HERC4: variants seen among roughly 807,000 people sequenced by gnomAD.
HERC4 encodes HECT and RLD domain containing E3 ubiquitin protein ligase 4, also known as probable E3 ubiquitin-protein ligase HERC4.
Under a neutral mutation model 124.3 loss-of-function variants are expected in HERC4, and 28 were observed. The observed-to-expected ratio is 0.23, with a 90% confidence interval of 0.17 to 0.31. HERC4 has a LOEUF of 0.31. Ranked by LOEUF, HERC4 falls within the 10% of genes least tolerant of loss-of-function variation. The pLI is 1.00. For synonymous variants in HERC4, 407 were observed against 421.5 expected, an observed-to-expected ratio of 0.97 and a Z score of 0.42; for missense variants, 713 against 1,229.3, an observed-to-expected ratio of 0.58 and a Z score of 6.28.
intron 3 of HERC4, among the ~76,000 whole-genome samples, chr10:68,066,364 T>TA (rs1230446628): frequency 6.6e-6 from 1 of 152,218 alleles, no homozygotes; most frequent in East Asian, 1.9e-4. Flanking sequence ...ATCTGCTAAG[T>TA]ACCCAAATTG....
chr10:68,027,482 G>A (rs879328362), intron 7 of HERC4, among the ~76,000 whole-genome samples: 4 of 152,188 alleles, frequency 2.6e-5, no homozygotes, highest in Admixed American at 1.3e-4. Flanking sequence ...ACCGACAAAA[G>A]TATATAACCA....
chr10:67,922,003 G>GTA lies in HERC4; in HGVS notation c.*926_*927dup, dbSNP rs1391899991. On this transcript the variant is annotated 3_prime_UTR_variant, in exon 25 of 25. Transcript: ENST00000373700. ...TTTGCATTATAGCAGAAAGTCACATGTATTGCATCAACTCACTTTTACAAT... is the reference window on the plus strand; with the variant it reads ...TTTGCATTATAGCAGAAAGTCACATGTATATTGCATCAACTCACTTTTACAAT... 2.6e-5 allele frequency: 4 copies of GTA among 152,112 alleles called. No individual in the cohort carries two copies. The highest frequency in any genetic ancestry group is 4.4e-5 in the Non-Finnish European group (3 of 68,006). 9.4% of individuals were successfully genotyped at this position (152,112 alleles called of 1,614,324 possible). A position where few individuals can be genotyped will look rare whatever the true frequency, so the allele number is the denominator to read the frequency against.
chr10:68,054,081 C>T (rs2040437678), intron 3 of HERC4, among the ~76,000 whole-genome samples: 1 of 152,144 alleles, frequency 6.6e-6, no homozygotes, highest in Non-Finnish European at 1.5e-5. Context: ...CAGATTTCCC[C>T]TTCTCTTCTC....
chr10:67,956,707 T>C (rs1357748362), intron 17 of HERC4, 171 bp downstream of exon 17: 6 of 396,586 alleles, frequency 1.5e-5, no homozygotes, highest in East Asian at 7.3e-5. Flanking sequence ...CAACCTTTTT[T>C]TATAAATGTT....
chr10:67,996,778 A>AT (rs1315883034), intron 9 of HERC4, among the ~76,000 whole-genome samples: 1 of 151,940 alleles, frequency 6.6e-6, no homozygotes, highest in Non-Finnish European at 1.5e-5. Context: ...AGGTCAGAAG[A>AT]TTGAGACATA....
chr10:67,924,492 A>G (rs1438787683), intron 24 of HERC4, among the ~76,000 whole-genome samples: 1 of 152,242 alleles, frequency 6.6e-6, no homozygotes, highest in Non-Finnish European at 1.5e-5. Flanking sequence ...TAACTGTAAC[A>G]TAACAGTAGG....
At chr10:67,968,250 C>A (rs190473808) in intron 15 of HERC4, among the ~76,000 whole-genome samples, 3 of 152,230 alleles carry the variant, frequency 2.0e-5, no homozygotes, top group Admixed American at 1.3e-4. Context: ...AAATTCCCCC[C>A]ACATCCTTGG....
intron 7 of HERC4, among the ~76,000 whole-genome samples, chr10:68,027,064 G>A (rs2038941832): frequency 6.6e-6 from 1 of 152,100 alleles, no homozygotes; most frequent in African/African-American, 2.4e-5. Flanking sequence ...AACTAAATTA[G>A]AAGTTCTGTA....
chr10:67,946,781 C>T (rs900630318), intron 19 of HERC4, among the ~76,000 whole-genome samples: 5 of 152,106 alleles, frequency 3.3e-5, no homozygotes, highest in Non-Finnish European at 7.3e-5. Context: ...GTGGCACACA[C>T]CTGTAGTCCC....
intron 3 of HERC4, among the ~76,000 whole-genome samples, chr10:68,061,879 TAAAAAAAAA>T (rs71470503): frequency 5.8e-3 from 321 of 54,878 alleles, no homozygotes; most frequent in South Asian, 0.021. Context: ...AGACTCCATT[TAAAAAAAAA>T]AAAAAAAAAA....
chr10:68,036,150 T>TA (rs918921739), intron 5 of HERC4, among the ~76,000 whole-genome samples: 63 of 148,834 alleles, frequency 4.2e-4, no homozygotes, highest in Middle Eastern at 3.5e-3. Flanking sequence ...CCACCTCTAC[T>TA]AAAAAAAAAC....
At chr10:67,971,228 A>G (rs567590874) in intron 15 of HERC4, among the ~76,000 whole-genome samples, 94 of 152,268 alleles carry the variant, frequency 6.2e-4, no homozygotes, top group African/African-American at 2.2e-3. Context: ...TAAAGAAATA[A>G]TACCAATCTT....
intron 9 of HERC4, chr10:67,995,957 T>C (rs887463889): frequency 4.5e-5 from 13 of 288,990 alleles, no homozygotes; most frequent in Middle Eastern, 1.3e-3. Context: ...AGACATCATA[T>C]CTTCCACCTG....
At chr10:68,063,063 A>G (rs560800953) in intron 3 of HERC4, among the ~76,000 whole-genome samples, 25 of 152,200 alleles carry the variant, frequency 1.6e-4, no homozygotes, top group Non-Finnish European at 2.9e-4. Flanking sequence ...ATCTCTACAC[A>G]GCACTCTTGT....
intron 8 of HERC4, among the ~76,000 whole-genome samples, chr10:68,017,264 T>C (rs887213502): frequency 6.6e-6 from 1 of 152,172 alleles, no homozygotes; most frequent in Non-Finnish European, 1.5e-5. Context: ...CCACCCTAGC[T>C]GAAACACAGC....
At chr10:67,937,774 AG>A (rs1219698062) in intron 21 of HERC4, among the ~76,000 whole-genome samples, 3 of 150,460 alleles carry the variant, frequency 2.0e-5, no homozygotes, top group African/African-American at 7.3e-5. Flanking sequence ...TCCACCTCTC[AG>A]GTTCAAGTGA....
intron 9 of HERC4, among the ~76,000 whole-genome samples, chr10:67,999,596 C>CT (rs1272313428): frequency 6.6e-5 from 10 of 152,182 alleles, no homozygotes; most frequent in African/African-American, 2.4e-4. Context: ...TCCTCATATT[C>CT]TTTTTTGTTA....
At chr10:67,967,600 C>A (rs1227686228) in intron 15 of HERC4, among the ~76,000 whole-genome samples, 1 of 152,056 alleles carries the variant, frequency 6.6e-6, no homozygotes, top group Non-Finnish European at 1.5e-5. Context: ...AAGATAAAAA[C>A]AAATCTTTAC....
At chr10:67,948,662 T>G (rs527734547) in intron 19 of HERC4, among the ~76,000 whole-genome samples, 1 of 152,288 alleles carries the variant, frequency 6.6e-6, no homozygotes, top group East Asian at 1.9e-4. Flanking sequence ...GGCTCACACC[T>G]GTAATCCCAG....
Sources: gnomAD v4.1 joint callset for allele counts (sites outside exome capture counted in the v4.1 genomes callset) on GRCh38, gnomAD v4.1.1 for gene constraint, MANE v1.5 for transcripts, NCBI Gene and HGNC (gene_info 2026-07-23, HGNC 2026-07-21) for gene names.